Variants in CAPSL observed in about 807,000 individuals in gnomAD.
The protein encoded by CAPSL is calcyphosin-like protein.
In CAPSL, 17 loss-of-function variants were observed where a neutral mutation model predicts 21.3. The ratio of observed to expected loss-of-function variants is 0.80; its 90% confidence interval spans 0.55 to 1.20. CAPSL has a LOEUF of 1.20. Among genes scored for constraint, CAPSL ranks in the 50% most tolerant of loss-of-function variants. The probability of loss-of-function intolerance (pLI) is 0.00; values close to 1 mark genes in which losing one functional copy is unlikely to be tolerated. For synonymous variants in CAPSL, 102 were observed against 89.3 expected (o/e 1.14, Z -0.80); for missense variants, 289 against 259.3 (o/e 1.11, Z -0.79).
At chr5:35,915,709 T>A (rs1738361511) in intron 2 of CAPSL, among the ~76,000 whole-genome samples, 1 of 152,204 alleles carries the variant, frequency 6.6e-6, no homozygotes, top group Non-Finnish European at 1.5e-5. Context: ...TGGGACGTTA[T>A]CTCAAAATAA....
intron 1 of CAPSL, among the ~76,000 whole-genome samples, chr5:35,930,749 C>T (rs945144967): frequency 7.9e-5 from 12 of 152,204 alleles, no homozygotes; most frequent in African/African-American, 2.9e-4. Context: ...ATTTGAATTA[C>T]AGCTAATTTT....
At chr5:35,935,257 T>C (rs890147562) in intron 1 of CAPSL, among the ~76,000 whole-genome samples, 2 of 152,070 alleles carry the variant, frequency 1.3e-5, no homozygotes, top group African/African-American at 2.4e-5. Flanking sequence ...CCTTGATTTC[T>C]ACCAACTCAA....
chr5:35,910,255 C>T, intron 3 of CAPSL, 111 bp downstream of exon 3: 2 of 1,250,454 alleles, frequency 1.6e-6, no homozygotes, highest in Non-Finnish European at 1.1e-6. Context: ...TTCTGCTTAT[C>T]CCCCTCCCCA....
At position 35,904,727 on chromosome 5, in the gene CAPSL, T is replaced by C. The variant is rs148443574; in HGVS notation, c.526-81A>G. On this transcript the variant is annotated intron_variant, in intron 4 of 4. Transcript: ENST00000651391. ...GGCGCCCACCTTGTGCACCTGTAAATAGAAGGGAAATAGAGGATTTCTTTG... is the reference window on the plus strand; with the variant it reads ...GGCGCCCACCTTGTGCACCTGTAAACAGAAGGGAAATAGAGGATTTCTTTG... 1.9e-4 allele frequency: 295 copies of C among 1,569,102 alleles called. 1 individual carries two copies. The African/African-American group carries it at 3.4e-3, about 18-fold the overall frequency.
intron 2 of CAPSL, among the ~76,000 whole-genome samples, chr5:35,915,655 C>G (rs550610636): frequency 6.6e-6 from 1 of 152,284 alleles, no homozygotes; most frequent in Non-Finnish European, 1.5e-5. Flanking sequence ...TGACAAAATT[C>G]AACAACCCTT....
intron 1 of CAPSL, among the ~76,000 whole-genome samples, chr5:35,929,251 G>A (rs1738759740): frequency 2.0e-5 from 3 of 150,666 alleles, no homozygotes; most frequent in Non-Finnish European, 3.0e-5. Flanking sequence ...CTACCAGGGA[G>A]TAGCAGAGCC....
At chr5:35,917,932 G>C (rs1738435804) in intron 2 of CAPSL, among the ~76,000 whole-genome samples, 1 of 152,064 alleles carries the variant, frequency 6.6e-6, no homozygotes. Context: ...AGTTAGAATG[G>C]TGATCATTAA....
At chr5:35,933,485 C>T (rs1445601108) in intron 1 of CAPSL, among the ~76,000 whole-genome samples, 2 of 152,158 alleles carry the variant, frequency 1.3e-5, no homozygotes, top group Non-Finnish European at 2.9e-5. Flanking sequence ...AAATTATCCA[C>T]AACATCTCAG....
chr5:35,930,515 C>G (rs1358323083), intron 1 of CAPSL, among the ~76,000 whole-genome samples: 5 of 152,190 alleles, frequency 3.3e-5, no homozygotes, highest in Admixed American at 6.5e-5. Flanking sequence ...CACACAGTCT[C>G]AGAATCGTGC....
At chr5:35,937,185 C>A (rs1231118449) in intron 1 of CAPSL, among the ~76,000 whole-genome samples, 2 of 152,210 alleles carry the variant, frequency 1.3e-5, no homozygotes, top group Non-Finnish European at 2.9e-5. Context: ...CTGCCCCTAG[C>A]TTTGCCCTCT....
intron 4 of CAPSL, 88 bp downstream of exon 4, chr5:35,909,778 G>A (rs1161417692): frequency 1.9e-6 from 2 of 1,054,354 alleles, no homozygotes; most frequent in South Asian, 1.5e-5. Context: ...TGGTATCAAT[G>A]TGTTAACATT....
At chr5:35,913,869 A>C (rs1396858415) in intron 2 of CAPSL, among the ~76,000 whole-genome samples, 1 of 152,232 alleles carries the variant, frequency 6.6e-6, no homozygotes, top group African/African-American at 2.4e-5. Context: ...TATTAACCTG[A>C]AATGTAAATG....
intron 3 of CAPSL, 93 bp downstream of exon 3, chr5:35,910,273 C>T: frequency 7.2e-7 from 1 of 1,394,734 alleles, no homozygotes; most frequent in Non-Finnish European, 9.9e-7. Context: ...CCACAGTGTA[C>T]TAACAACTTG....
intron 1 of CAPSL, among the ~76,000 whole-genome samples, chr5:35,931,411 A>C (rs1356244499): frequency 6.7e-6 from 1 of 149,230 alleles, no homozygotes; most frequent in Non-Finnish European, 1.5e-5. Flanking sequence ...AATATTCAAG[A>C]ACCCATGTAA....
At chr5:35,921,628 A>C (rs1442848109) in intron 1 of CAPSL, among the ~76,000 whole-genome samples, 1 of 152,150 alleles carries the variant, frequency 6.6e-6, no homozygotes, top group Non-Finnish European at 1.5e-5. Context: ...GTTAGTATCC[A>C]CTAACACCTA....
At chr5:35,938,166 C>G (rs970796696) in intron 1 of CAPSL, among the ~76,000 whole-genome samples, 1 of 152,140 alleles carries the variant, frequency 6.6e-6, no homozygotes, top group African/African-American at 2.4e-5. Context: ...AAATGCTGAA[C>G]CTCCCTGAAG....
At chr5:35,918,128 G>A (rs915799281) in intron 2 of CAPSL, among the ~76,000 whole-genome samples, 1 of 152,128 alleles carries the variant, frequency 6.6e-6, no homozygotes, top group Non-Finnish European at 1.5e-5. Context: ...AAGGATTATA[G>A]ATCTTTCTAC....
At chr5:35,913,610 C>A (rs1738291216) in intron 2 of CAPSL, among the ~76,000 whole-genome samples, 1 of 152,110 alleles carries the variant, frequency 6.6e-6, no homozygotes, top group Non-Finnish European at 1.5e-5. Flanking sequence ...CCAAACTAAG[C>A]TTCATAAGTG....
intron 1 of CAPSL, among the ~76,000 whole-genome samples, chr5:35,930,303 T>C (rs986916569): frequency 2.6e-5 from 4 of 152,122 alleles, no homozygotes; most frequent in African/African-American, 7.2e-5. Flanking sequence ...TAAACCATAG[T>C]CTTTACTTCT....
Sources: gnomAD v4.1 joint callset for allele counts (sites outside exome capture counted in the v4.1 genomes callset) on GRCh38, gnomAD v4.1.1 for gene constraint, MANE v1.5 for transcripts, NCBI Gene and HGNC (gene_info 2026-07-23, HGNC 2026-07-21) for gene names.